Variants in MED13L observed in about 807,000 individuals in gnomAD.
MED13L encodes the protein mediator complex subunit 13L, also known as mediator of RNA polymerase II transcription subunit 13-like.
In MED13L, 7 loss-of-function variants were observed where a neutral mutation model predicts 220.9. The ratio of observed to expected loss-of-function variants is 0.03; its 90% confidence interval spans 0.02 to 0.06. The LOEUF (loss-of-function observed/expected upper bound fraction) is 0.06. MED13L is among the 10% of genes least tolerant of loss of function. The pLI is 1.00. For missense variants in MED13L, 1,965 were observed against 2,760.5 expected (o/e 0.71, Z 6.46); for synonymous variants, 1,011 against 1,015.2 (o/e 1.00, Z 0.08).
intron 2 of MED13L, among the ~76,000 whole-genome samples, chr12:116,161,673 T>C (rs1423445174): frequency 6.6e-6 from 1 of 151,864 alleles, no homozygotes; most frequent in Non-Finnish European, 1.5e-5. Context: ...AAGCCAAGAG[T>C]GCTGACTAAA....
chr12:115,982,180 T>C lies in MED13L; in HGVS notation c.5175+204A>G, dbSNP rs1414662160. 3 of 590,682 alleles carry C rather than the reference T, an allele frequency of 5.1e-6. No individual in the cohort carries two copies. In the African/African-American group the frequency reaches 5.6e-5, roughly 11 times the overall value. 36.6% of individuals were successfully genotyped at this position (590,682 alleles called of 1,614,324 possible). A position where few individuals can be genotyped will look rare whatever the true frequency, so the allele number is the denominator to read the frequency against. ...ACATAAATAAATTTTATGTTTAGACTTGGGCCCACTGCAAAGGTCTCCCAT... is the reference window on the plus strand; with the variant it reads ...ACATAAATAAATTTTATGTTTAGACCTGGGCCCACTGCAAAGGTCTCCCAT... On this transcript the variant is annotated intron_variant, in intron 22 of 30. Transcript: ENST00000281928.
At chr12:116,197,020 A>G (rs1263069951) in intron 2 of MED13L, among the ~76,000 whole-genome samples, 1 of 152,214 alleles carries the variant, frequency 6.6e-6, no homozygotes, top group Non-Finnish European at 1.5e-5. Flanking sequence ...TAAGTCTGAA[A>G]ACACAAACAA....
Position 115,967,475 on chromosome 12 carries a change from T to G in MED13L, c.6226-1232A>C, listed in dbSNP as rs2137209597. On this transcript the variant is annotated intron_variant, in intron 28 of 30. Coordinates refer to ENST00000281928, the MANE Select transcript of MED13L (RefSeq NM_015335.5). ...AAATCATGGCATTGAATTAAAGACT[T>G]TAGTGCTTAAGGCTCCAAAAAAAGG... is the stretch of plus-strand genomic sequence containing the variant. Among the ~76,000 whole-genome samples, 4 of 152,298 alleles carry G rather than the reference T, an allele frequency of 2.6e-5. No homozygotes were observed. In the Middle Eastern group the frequency reaches 0.014, roughly 518 times the overall value.
chr12:116,148,051 CAAAAAAAA>C (rs10678970), intron 2 of MED13L, among the ~76,000 whole-genome samples: 2 of 18,140 alleles, frequency 1.1e-4, no homozygotes, highest in Non-Finnish European at 1.9e-4. Context: ...GACCCCATCT[CAAAAAAAA>C]AAAAAAAAAA....
chr12:116,006,347 C>T lies in MED13L; in HGVS notation c.2303G>A (p.Gly768Glu). 1 of 1,613,974 alleles carries T rather than the reference C, an allele frequency of 6.2e-7. No homozygotes were observed. Among genetic ancestry groups the T allele is most frequent in the Non-Finnish European group, 8.5e-7 (1 of 1,179,922 alleles). Residue 768 changes from glycine (G) to glutamate (E), a missense_variant, in exon 12 of 31, where the codon GGG becomes GAG. Gly to Glu is a moderately conservative substitution (Grantham distance 98). Transcript: ENST00000281928. ...TPGHSTPVPD[G>E]KNAMSIFSSA... ...ACTGAAAATAGACATGGCATTTTTC[C>T]CATCAGGCACCGGCGTGGAATGACC...
At chr12:116,209,511 T>A (rs1461012076) in intron 2 of MED13L, among the ~76,000 whole-genome samples, 2 of 152,326 alleles carry the variant, frequency 1.3e-5, no homozygotes, top group African/African-American at 2.4e-5. Context: ...TCTGATGCCT[T>A]GACCCAGTAA....
At chr12:116,122,629 T>C (rs1229513747) in intron 2 of MED13L, among the ~76,000 whole-genome samples, 2 of 152,186 alleles carry the variant, frequency 1.3e-5, no homozygotes, top group Non-Finnish European at 2.9e-5. Flanking sequence ...TTTCAAACTA[T>C]TTGCAACCTT....
intron 4 of MED13L, among the ~76,000 whole-genome samples, chr12:116,084,590 G>C (rs1373936438): frequency 6.6e-6 from 1 of 152,016 alleles, no homozygotes; most frequent in Non-Finnish European, 1.5e-5. Flanking sequence ...ATTTGAAAGA[G>C]GTGAACTATT....
At chr12:116,080,279 G>A (rs1871140446) in intron 4 of MED13L, among the ~76,000 whole-genome samples, 1 of 152,136 alleles carries the variant, frequency 6.6e-6, no homozygotes, top group South Asian at 2.1e-4. Flanking sequence ...GACAATCAGT[G>A]AGACTAACAC....
At chr12:116,039,775 C>T (rs944671859) in intron 4 of MED13L, among the ~76,000 whole-genome samples, 4 of 151,904 alleles carry the variant, frequency 2.6e-5, no homozygotes, top group African/African-American at 9.7e-5. Flanking sequence ...AGCATGAGTT[C>T]AAGATGTATT....
chr12:116,105,953 C>T (rs1179021524), intron 3 of MED13L, among the ~76,000 whole-genome samples: 1 of 152,186 alleles, frequency 6.6e-6, no homozygotes, highest in African/African-American at 2.4e-5. Flanking sequence ...CGAGCAAAAG[C>T]ATTAATGAGC....
chr12:116,195,893 A>G (rs1274284553), intron 2 of MED13L, among the ~76,000 whole-genome samples: 2 of 152,202 alleles, frequency 1.3e-5, no homozygotes, highest in African/African-American at 2.4e-5. Flanking sequence ...ATAATTTTAA[A>G]ATAAGCAATG....
chr12:116,019,211 G>A lies in MED13L; in HGVS notation c.1009+13C>T, dbSNP rs1879909185. 1 of 1,611,280 alleles carries A rather than the reference G, an allele frequency of 6.2e-7. No individual in the cohort carries two copies. The highest frequency in any genetic ancestry group is 2.2e-5 in the East Asian group (1 of 44,762). On this transcript the variant is annotated intron_variant, in intron 7 of 30. Coordinates refer to ENST00000281928, the MANE Select transcript of MED13L (RefSeq NM_015335.5). The stretch of plus-strand genomic sequence containing the variant: ...GATCTCTTCTCCCCAGGACACTCCT[G>A]GATCCTACTCACCTAGGATAGCCTG...
At chr12:116,043,306 C>T (rs1005509552) in intron 4 of MED13L, among the ~76,000 whole-genome samples, 3 of 152,212 alleles carry the variant, frequency 2.0e-5, no homozygotes, top group Non-Finnish European at 4.4e-5. Context: ...ATGCAATGCA[C>T]TTGTAATTCT....
intron 2 of MED13L, among the ~76,000 whole-genome samples, chr12:116,195,450 T>C (rs1881559084): frequency 6.6e-6 from 1 of 152,104 alleles, no homozygotes; most frequent in Non-Finnish European, 1.5e-5. Context: ...GAAAATAGTA[T>C]GCTTAAAATT....
Position 116,277,337 on chromosome 12 carries a change from G to GATCCGC in MED13L, c.-207_-206insGCGGAT, listed in dbSNP as rs1317006027. 1 of 146,728 alleles carries GATCCGC rather than the reference G, an allele frequency of 6.8e-6. No homozygotes were observed. The highest frequency in any genetic ancestry group is 1.5e-5 in the Non-Finnish European group (1 of 65,658). 9.1% of individuals were successfully genotyped at this position (146,728 alleles called of 1,614,324 possible). The stretch of plus-strand genomic sequence containing the variant: ...GGCAGCGGGCCCGGGCTGGCGGGGG[G>GATCCGC]GGCGCGCGCCCCGGGCCGGCGCTGC... On this transcript the variant is annotated 5_prime_UTR_variant, in exon 1 of 31. Coordinates refer to ENST00000281928, the MANE Select transcript of MED13L (RefSeq NM_015335.5).
At chr12:116,171,190 A>G (rs1348999375) in intron 2 of MED13L, among the ~76,000 whole-genome samples, 1 of 152,244 alleles carries the variant, frequency 6.6e-6, no homozygotes, top group Admixed American at 6.5e-5. Context: ...GTTGCAGACC[A>G]TACTTTGAAA....
At chr12:116,089,923 A>G (rs567089663) in intron 4 of MED13L, among the ~76,000 whole-genome samples, 1 of 152,342 alleles carries the variant, frequency 6.6e-6, no homozygotes, top group South Asian at 2.1e-4. Context: ...ACATTTACAA[A>G]GCAGAGGATA....
intron 4 of MED13L, among the ~76,000 whole-genome samples, chr12:116,041,672 G>A (rs779568719): frequency 7.9e-5 from 12 of 152,108 alleles, no homozygotes; most frequent in Admixed American, 2.0e-4. Context: ...GTGAAACCCC[G>A]TCTCTACCAA....
Sources: allele counts gnomAD v4.1 joint callset (sites outside exome capture counted in the v4.1 genomes callset), GRCh38; gene constraint gnomAD v4.1.1; transcripts MANE v1.5; gene names NCBI Gene and HGNC (gene_info 2026-07-23, HGNC 2026-07-21).